COP1: variants seen among roughly 807,000 people sequenced by gnomAD.
COP1 encodes the protein COP1 E3 ubiquitin ligase, also known as E3 ubiquitin-protein ligase COP1.
A neutral mutation model predicts 101.3 loss-of-function variants in COP1; 24 were observed. The ratio of observed to expected loss-of-function variants is 0.24; its 90% CI spans 0.17 to 0.33. The LOEUF is 0.33. COP1 is among the 10% of genes least tolerant of loss of function. The pLI is 1.00. For missense variants in COP1, 663 were observed against 906.2 expected, an observed-to-expected ratio of 0.73 and a Z score of 3.45; for synonymous variants, 347 against 341.9, an observed-to-expected ratio of 1.01 and a Z score of -0.17.
At chr1:176,056,593 T>C (rs1231669925) in intron 11 of COP1, among the ~76,000 whole-genome samples, 2 of 152,136 alleles carry the variant, frequency 1.3e-5, no homozygotes, top group Non-Finnish European at 2.9e-5. Context: ...ACTTTCACAG[T>C]TTGAAGTTTT....
intron 18 of COP1, chr1:175,968,506 A>C: frequency 1.9e-6 from 1 of 518,874 alleles, no homozygotes. Context: ...GCATTTTTTC[A>C]TTTGTCCACA....
chr1:176,081,294 G>GAAAAAAAAAAA lies in COP1; in HGVS notation c.1142-18_1142-8dup, dbSNP rs56720201. ...CTTGCAGTTCGACTGTCATCTATAT[G>GAAAAAAAAAAA]AAAAAAAAAAAAAAAAGACAAAACA... On this transcript the variant is annotated splice_region_variant and splice_polypyrimidine_tract_variant and intron_variant, in intron 10 of 19. Coordinates refer to ENST00000367669, the MANE Select transcript of COP1 (RefSeq NM_022457.7). The GAAAAAAAAAAA allele has an allele frequency of 2.3e-6, 3 of 1,283,920 alleles. No individual in the cohort carries two copies. Among genetic ancestry groups the GAAAAAAAAAAA allele is most frequent in the African/African-American group, 2.0e-5 (1 of 50,204 alleles). 79.5% of individuals were successfully genotyped at this position (1,283,920 alleles called of 1,614,324 possible).
At chr1:176,013,253 G>A (rs1485332714) in intron 15 of COP1, among the ~76,000 whole-genome samples, 5 of 152,102 alleles carry the variant, frequency 3.3e-5, no homozygotes, top group Non-Finnish European at 7.4e-5. Flanking sequence ...ACAGAGGGCT[G>A]AGTATGTAAC....
intron 18 of COP1, among the ~76,000 whole-genome samples, chr1:175,962,773 C>T (rs1161138458): frequency 2.0e-5 from 3 of 152,140 alleles, no homozygotes; most frequent in Non-Finnish European, 4.4e-5. Flanking sequence ...CCTCCCTGGG[C>T]ACCTAGAGTC....
intron 15 of COP1, among the ~76,000 whole-genome samples, chr1:176,021,052 T>C (rs1422334114): frequency 2.0e-5 from 3 of 152,166 alleles, no homozygotes; most frequent in African/African-American, 7.2e-5. Context: ...CAGCTCACTA[T>C]AACCTTGAAC....
intron 1 of COP1, among the ~76,000 whole-genome samples, chr1:176,195,740 C>T (rs1699611072): frequency 1.3e-5 from 2 of 152,168 alleles, no homozygotes; most frequent in South Asian, 2.1e-4. Flanking sequence ...TGTAGCAACA[C>T]GGATGCAGCT....
Position 176,097,296 on chromosome 1 carries a change from G to A in COP1, c.1027-11406C>T, listed in dbSNP as rs554381380. ...CTCTCAATGCACACATGAGAAGGAA[G>A]AGACCTCTGTTTTCCTCATGGAACA... On this transcript the variant is annotated intron_variant, in intron 9 of 19. Coordinates refer to ENST00000367669, the MANE Select transcript of COP1 (RefSeq NM_022457.7). Among the ~76,000 whole-genome samples the A allele has an allele frequency of 2.0e-5, 3 of 152,018 alleles. No individual in the cohort carries two copies. The Middle Eastern group carries it at 0.01, about 517-fold the overall frequency.
chr1:176,207,009 G>A lies in COP1; in HGVS notation c.-31C>T. On this transcript the variant is annotated 5_prime_UTR_variant, in exon 1 of 20. Coordinates refer to ENST00000367669, the MANE Select transcript of COP1 (RefSeq NM_022457.7). ...CTCCCTCCCCTCCAGCCGGGCGCTC[G>A]GAGGAGAGGGACCGCGACCTCGACC... 1 of 1,365,506 alleles carries A rather than the reference G, an allele frequency of 7.3e-7. No homozygotes were observed. Among genetic ancestry groups the A allele is most frequent in the Non-Finnish European group, 9.4e-7 (1 of 1,062,354 alleles). The allele number at this position is 1,365,506 out of a possible 1,614,324, so 84.6% of individuals were successfully genotyped here. A position where few individuals can be genotyped will look rare whatever the true frequency, so the allele number is the denominator to read the frequency against.
At chr1:175,955,373 T>TA (rs1191662712) in intron 18 of COP1, among the ~76,000 whole-genome samples, 1 of 152,144 alleles carries the variant, frequency 6.6e-6, no homozygotes, top group African/African-American at 2.4e-5. Flanking sequence ...ATGAAAAACT[T>TA]ACAACTAACA....
At chr1:176,189,565 A>C (rs1446802769) in intron 1 of COP1, among the ~76,000 whole-genome samples, 22 of 152,036 alleles carry the variant, frequency 1.4e-4, no homozygotes, top group Non-Finnish European at 2.9e-5. Context: ...TGCTGCCCAC[A>C]GACCTGTACT....
chr1:176,091,189 A>C (rs1330300721), intron 9 of COP1, among the ~76,000 whole-genome samples: 2 of 152,064 alleles, frequency 1.3e-5, no homozygotes, highest in Non-Finnish European at 1.5e-5. Flanking sequence ...ATTACCAGTG[A>C]GCCATCTCTA....
At chr1:176,098,579 A>G (rs1682835460) in intron 9 of COP1, among the ~76,000 whole-genome samples, 1 of 152,264 alleles carries the variant, frequency 6.6e-6, no homozygotes, top group Non-Finnish European at 1.5e-5. Context: ...AACTTCAAAA[A>G]GGCATTATAT....
chr1:175,978,887 A>G (rs1406410204), intron 18 of COP1, among the ~76,000 whole-genome samples: 1 of 152,180 alleles, frequency 6.6e-6, no homozygotes, highest in Non-Finnish European at 1.5e-5. Flanking sequence ...GAAAGTTAGT[A>G]TATTTTTAGG....
chr1:176,028,371 C>T (rs921840186), intron 14 of COP1, among the ~76,000 whole-genome samples: 22 of 151,554 alleles, frequency 1.5e-4, no homozygotes, highest in African/African-American at 4.4e-4. Flanking sequence ...AAGAGACTAG[C>T]GTGGGCAACA....
intron 15 of COP1, among the ~76,000 whole-genome samples, chr1:175,992,263 G>A (rs1308211859): frequency 6.6e-6 from 1 of 152,202 alleles, no homozygotes; most frequent in Non-Finnish European, 1.5e-5. Flanking sequence ...AATGGGAGGT[G>A]GAGGCAAGAT....
At chr1:176,057,295 C>G (rs2149268896) in intron 11 of COP1, among the ~76,000 whole-genome samples, 1 of 152,242 alleles carries the variant, frequency 6.6e-6, no homozygotes, top group South Asian at 2.1e-4. Flanking sequence ...TATTCCCTCC[C>G]CACTTCAAGA....
chr1:176,193,196 AG>A (rs1241766461), intron 1 of COP1, among the ~76,000 whole-genome samples: 1 of 152,204 alleles, frequency 6.6e-6, no homozygotes, highest in Admixed American at 6.5e-5. Flanking sequence ...ACTAGTGAAA[AG>A]GGGAATGCAA....
chr1:176,038,723 C>T (rs929521767), intron 14 of COP1, among the ~76,000 whole-genome samples: 1 of 151,684 alleles, frequency 6.6e-6, no homozygotes, highest in African/African-American at 2.4e-5. Context: ...GAGGCTGAGG[C>T]AGGAGAATCG....
At chr1:176,196,323 AT>A (rs1699692239) in intron 1 of COP1, among the ~76,000 whole-genome samples, 1 of 152,168 alleles carries the variant, frequency 6.6e-6, no homozygotes, top group African/African-American at 2.4e-5. Context: ...AAAGTTGATC[AT>A]TTGAAAAGAC....
Sources: allele counts gnomAD v4.1 joint callset (sites outside exome capture counted in the v4.1 genomes callset), GRCh38; gene constraint gnomAD v4.1.1; transcripts MANE v1.5; gene names NCBI Gene and HGNC (gene_info 2026-07-23, HGNC 2026-07-21).